CA10: variants seen among roughly 807,000 people sequenced by gnomAD.
CA10 encodes the protein carbonic anhydrase 10 (inactive).
In CA10, 14 loss-of-function variants were observed where a neutral mutation model predicts 44.2. The ratio of observed to expected loss-of-function variants is 0.32; its 90% CI spans 0.21 to 0.50. CA10 has a LOEUF of 0.50. CA10 is among the 20% of genes least tolerant of loss of function. CA10 has a pLI of 0.99. For missense variants in CA10, 350 were observed against 409.7 expected (o/e 0.85, Z 1.26); for synonymous variants, 159 against 141.6 (o/e 1.12, Z -0.87).
intron 4 of CA10, among the ~76,000 whole-genome samples, chr17:51,656,998 A>C (rs997254379): frequency 9.2e-5 from 14 of 152,230 alleles, no homozygotes; most frequent in African/African-American, 3.4e-4. Context: ...CAGGGGAATG[A>C]GATAATCAGC....
intron 1 of CA10, among the ~76,000 whole-genome samples, chr17:52,154,253 G>T (rs775869327): frequency 6.6e-6 from 1 of 152,132 alleles, no homozygotes; most frequent in Non-Finnish European, 1.5e-5. Flanking sequence ...GACTCAGGTA[G>T]ACCTGGATGT....
At chr17:51,846,178 A>G (rs891437179) in intron 3 of CA10, among the ~76,000 whole-genome samples, 1 of 152,280 alleles carries the variant, frequency 6.6e-6, no homozygotes, top group African/African-American at 2.4e-5. Context: ...AAACTTATCA[A>G]GTGCCTGCCA....
chr17:51,811,080 C>T (rs1907344393), intron 3 of CA10, among the ~76,000 whole-genome samples: 1 of 151,904 alleles, frequency 6.6e-6, no homozygotes. Flanking sequence ...CCTGTAATCC[C>T]AGCTAGTCGG....
At chr17:51,677,887 C>CT (rs893514803) in intron 4 of CA10, among the ~76,000 whole-genome samples, 2 of 19,154 alleles carry the variant, frequency 1.0e-4, no homozygotes, top group African/African-American at 1.4e-4. Flanking sequence ...AGGTATACAC[C>CT]CCCCCCCCCA....
At chr17:51,710,134 A>G (rs1915886676) in intron 4 of CA10, among the ~76,000 whole-genome samples, 1 of 152,198 alleles carries the variant, frequency 6.6e-6, no homozygotes, top group Admixed American at 6.5e-5. Flanking sequence ...GTCAGCACTG[A>G]AGAACTGGAG....
intron 4 of CA10, among the ~76,000 whole-genome samples, chr17:51,731,362 C>T (rs7224862): frequency 0.37 from 56,460 of 151,836 alleles, 11,712 homozygotes; most frequent in Middle Eastern, 0.49. Context: ...GGCGACAGGA[C>T]GAGACTCCGT....
intron 1 of CA10, among the ~76,000 whole-genome samples, chr17:52,125,990 C>T (rs1989110134): frequency 6.6e-6 from 1 of 152,080 alleles, no homozygotes; most frequent in Admixed American, 6.5e-5. Flanking sequence ...TACCTAAGTG[C>T]TAGGTACTAT....
At chr17:52,133,863 C>T (rs947687906) in intron 1 of CA10, among the ~76,000 whole-genome samples, 1 of 152,252 alleles carries the variant, frequency 6.6e-6, no homozygotes, top group South Asian at 2.1e-4. Flanking sequence ...TTAATGGTCA[C>T]TTAATGAATA....
chr17:52,006,702 A>T (rs1985611156), intron 2 of CA10, among the ~76,000 whole-genome samples: 1 of 151,846 alleles, frequency 6.6e-6, no homozygotes, highest in African/African-American at 2.4e-5. Context: ...TTCACACAAG[A>T]TTGGTTGAGA....
chr17:51,843,874 G>T (rs762289375), intron 3 of CA10, among the ~76,000 whole-genome samples: 8 of 152,096 alleles, frequency 5.3e-5, no homozygotes, highest in Non-Finnish European at 8.8e-5. Flanking sequence ...ATTCACAATA[G>T]CATGAAAATA....
At chr17:51,838,120 T>A (rs1261027757) in intron 3 of CA10, among the ~76,000 whole-genome samples, 2 of 152,206 alleles carry the variant, frequency 1.3e-5, no homozygotes, top group African/African-American at 2.4e-5. Flanking sequence ...ACTAATTCAT[T>A]CATTTTACAA....
At chr17:51,894,409 A>G (rs967712712) in intron 3 of CA10, among the ~76,000 whole-genome samples, 2 of 152,098 alleles carry the variant, frequency 1.3e-5, no homozygotes, top group African/African-American at 4.8e-5. Context: ...CTGAACTCCC[A>G]AGTAACTTTG....
chr17:51,823,375 C>A (rs921758869), intron 3 of CA10, among the ~76,000 whole-genome samples: 2 of 152,226 alleles, frequency 1.3e-5, no homozygotes, highest in Non-Finnish European at 2.9e-5. Flanking sequence ...AGGGCGACGG[C>A]TTTGCTGGTG....
intron 3 of CA10, among the ~76,000 whole-genome samples, chr17:51,918,875 G>A (rs191409404): frequency 2.1e-4 from 32 of 152,216 alleles, no homozygotes; most frequent in Admixed American, 1.9e-3. Context: ...ATGAGATACT[G>A]GAAAGAGATG....
chr17:51,981,402 A>G (rs1010619593), intron 2 of CA10, among the ~76,000 whole-genome samples: 1 of 152,038 alleles, frequency 6.6e-6, no homozygotes, highest in East Asian at 1.9e-4. Context: ...CATGATGTTG[A>G]GCAAAAATGT....
In CA10 at chr17:52,034,781, G is replaced by A. The variant is rs1404197080; in HGVS notation, c.136+37538C>T. 2.0e-5 allele frequency among the ~76,000 whole-genome samples: 3 copies of A among 152,124 alleles called. 1 individual carries two copies. Among genetic ancestry groups the A allele is most frequent in the Non-Finnish European group, 4.4e-5 (3 of 68,030 alleles). ...GTTTGAAAGCTCTTAGAGACTACAG[G>A]AATAAATAAGTGATGGTGAAATAAA... On this transcript the variant is annotated intron_variant, in intron 2 of 8. Coordinates refer to ENST00000451037, the MANE Select transcript of CA10 (RefSeq NM_020178.5).
Position 51,932,978 on chromosome 17 carries a change from C to G in CA10, c.137-1846G>C, listed in dbSNP as rs117027994. 5.3e-3 allele frequency among the ~76,000 whole-genome samples: 806 copies of G among 152,096 alleles called. 6 individuals carry two copies. Among genetic ancestry groups the G allele is most frequent in the Non-Finnish European group, 8.4e-3 (573 of 67,976 alleles). On this transcript the variant is annotated intron_variant, in intron 2 of 8. Coordinates refer to ENST00000451037, the MANE Select transcript of CA10 (RefSeq NM_020178.5). ...ATCATCTCAAATTATGAAAATAAAG[C>G]CTTCATTAGGGCATCCTCCTAGCAG...
intron 2 of CA10, among the ~76,000 whole-genome samples, chr17:51,969,312 T>C (rs1984194045): frequency 6.6e-6 from 1 of 151,986 alleles, no homozygotes; most frequent in Non-Finnish European, 1.5e-5. Flanking sequence ...AAAATAATGG[T>C]TCCTATTTTA....
At position 51,663,946 on chromosome 17, in the gene CA10, T is replaced by C. The variant is rs1914112813; in HGVS notation, c.466-10210A>G. ...TTTCTTTCTGTAGCTCGTATTCTTG[T>C]ATTATGAAAATAGATATACTGAACA... On this transcript the variant is annotated intron_variant, in intron 4 of 8. Transcript: ENST00000451037. Among the ~76,000 whole-genome samples the C allele has an allele frequency of 1.3e-5, 2 of 152,242 alleles. 1 individual carries two copies. The highest frequency in any genetic ancestry group is 4.8e-5 in the African/African-American group (2 of 41,464).
Sources: allele counts gnomAD v4.1 joint callset (sites outside exome capture counted in the v4.1 genomes callset), GRCh38; gene constraint gnomAD v4.1.1; transcripts MANE v1.5; gene names NCBI Gene and HGNC (gene_info 2026-07-23, HGNC 2026-07-21).